The following FARSB variants were observed in gnomAD, a reference collection of about 807,000 sequenced individuals.
The protein encoded by FARSB is phenylalanyl-tRNA synthetase subunit beta, also known as phenylalanine--tRNA ligase beta subunit.
FARSB carries 40 observed loss-of-function variants against 69.6 expected under a neutral mutation model. The observed-to-expected ratio is 0.57, with a 90% CI of 0.45 to 0.75. The LOEUF is 0.75. Among genes scored for constraint, FARSB ranks in the 30% least tolerant of loss-of-function variants. The pLI is 0.00. For synonymous variants in FARSB, 235 were observed against 247.2 expected (o/e 0.95, Z 0.46); for missense variants, 632 against 722.9 (o/e 0.87, Z 1.44).
At chr2:222,596,066 T>C (rs1690406391) in intron 16 of FARSB, among the ~76,000 whole-genome samples, 1 of 152,142 alleles carries the variant, frequency 6.6e-6, no homozygotes, top group Non-Finnish European at 1.5e-5. Context: ...TTGATCTTAT[T>C]CTGTCATCAA....
intron 15 of FARSB, among the ~76,000 whole-genome samples, chr2:222,608,153 C>T (rs1690755123): frequency 6.6e-6 from 1 of 152,134 alleles, no homozygotes; most frequent in African/African-American, 2.4e-5. Flanking sequence ...TCCTTACACC[C>T]ATATTTTTTG....
chr2:222,617,610 G>A (rs1002060098), intron 14 of FARSB, among the ~76,000 whole-genome samples: 2 of 152,212 alleles, frequency 1.3e-5, no homozygotes, highest in African/African-American at 2.4e-5. Flanking sequence ...AAGGCCAAGC[G>A]AGGTGGCTCA....
chr2:222,627,180 T>C (rs1043202299), intron 10 of FARSB, among the ~76,000 whole-genome samples: 1 of 152,230 alleles, frequency 6.6e-6, no homozygotes, highest in African/African-American at 2.4e-5. Context: ...TCTGTATCCA[T>C]GGCCTTGCAA....
rs551820430 is a variant in FARSB at position 222,568,839 on chromosome 2, A to T, written c.*3032T>A. 1 of 152,298 alleles carries T rather than the reference A, an allele frequency of 6.6e-6. No homozygotes were observed. Among genetic ancestry groups the T allele is most frequent in the Non-Finnish European group, 1.5e-5 (1 of 68,128 alleles). The allele number at this position is 152,298 out of a possible 1,614,324, so 9.4% of individuals were successfully genotyped here. The stretch of plus-strand genomic sequence containing the variant: ...TGGGTGACAGAGCGAGACTCCGTCT[A>T]AAAAAACAAAAAACAAACAAAACTA... On this transcript the variant is annotated 3_prime_UTR_variant, in exon 17 of 17. Transcript: ENST00000281828. This position sits in a 1 kb window ranked among gnomAD's most constrained non-coding sequence, Gnocchi z 4.3.
chr2:222,580,945 G>C (rs1005590717), intron 16 of FARSB, among the ~76,000 whole-genome samples: 1 of 152,122 alleles, frequency 6.6e-6, no homozygotes, highest in African/African-American at 2.4e-5. Flanking sequence ...TACAAGACAG[G>C]AAGGGCCAGG....
At position 222,623,725 on chromosome 2, in the gene FARSB, A is replaced by G; in HGVS notation, c.1176T>C (p.Pro392=). Residue 392 remains proline (P), a synonymous_variant, in exon 13 of 17, where the codon CCT becomes CCC. Transcript: ENST00000281828. Reference sequence around the variant, plus strand: ...GGAGAAGTTCAGTGAGCTTATTAAGAGGAAACTGAAAAAAAAAGCATCCAC... The same window carrying G: ...GGAGAAGTTCAGTGAGCTTATTAAGGGGAAACTGAAAAAAAAAGCATCCAC... ...PKTYTIANQF[P]LNKLTELLRH... 6.2e-7 allele frequency: 1 copy of G among 1,600,374 alleles called. No individual in the cohort carries two copies.
In FARSB at chr2:222,569,600, A is replaced by T; in HGVS notation, c.*2271T>A. ...AAGTACACCTACCACCTCAATTAAG[A>T]TAAAATTTCCATCACCCCAAAAAGT... On this transcript the variant is annotated 3_prime_UTR_variant, in exon 17 of 17. Coordinates refer to ENST00000281828, the MANE Select transcript of FARSB (RefSeq NM_005687.5). The T allele has an allele frequency of 6.6e-6, 1 of 152,178 alleles. No individual in the cohort carries two copies. Among genetic ancestry groups the T allele is most frequent in the East Asian group, 1.9e-4 (1 of 5,194 alleles). The allele number at this position is 152,178 out of a possible 1,614,324, so 9.4% of individuals were successfully genotyped here.
intron 3 of FARSB, among the ~76,000 whole-genome samples, chr2:222,642,274 T>C (rs951556432): frequency 2.6e-5 from 4 of 152,232 alleles, no homozygotes; most frequent in African/African-American, 9.6e-5. Flanking sequence ...GTGCTGGGAT[T>C]ATGGGCATGA....
At chr2:222,647,643 TA>T (rs1393627307) in intron 2 of FARSB, among the ~76,000 whole-genome samples, 1 of 152,234 alleles carries the variant, frequency 6.6e-6, no homozygotes, top group Non-Finnish European at 1.5e-5. Context: ...CTCCTTCCTG[TA>T]ATCCCAGCTA....
In FARSB at chr2:222,650,943, T is replaced by G. The variant is rs2106017664; in HGVS notation, c.59-2148A>C. Reference sequence around the variant, plus strand: ...ACGTAGCAACAGACTACTAATACTTTGGAATAATTTGTTACATAGCAATAG... The same window carrying G: ...ACGTAGCAACAGACTACTAATACTTGGGAATAATTTGTTACATAGCAATAG... On this transcript the variant is annotated intron_variant, in intron 1 of 16. Coordinates refer to ENST00000281828, the MANE Select transcript of FARSB (RefSeq NM_005687.5). Among the ~76,000 whole-genome samples, 3 of 152,370 alleles carry G rather than the reference T, an allele frequency of 2.0e-5. No homozygotes were observed. The South Asian group carries it at 6.2e-4, about 32-fold the overall frequency.
chr2:222,633,507 A>T (rs2106229366), intron 6 of FARSB, among the ~76,000 whole-genome samples, 200 bp from the exon 7 acceptor site: 1 of 151,924 alleles, frequency 6.6e-6, no homozygotes, highest in East Asian at 1.9e-4. Context: ...ACATGGAGAA[A>T]CCCCATCTCA....
intron 16 of FARSB, among the ~76,000 whole-genome samples, chr2:222,596,924 A>G (rs1690433274): frequency 6.6e-6 from 1 of 152,186 alleles, no homozygotes. Flanking sequence ...CTTCAACCAT[A>G]AACAAAAAAG....
intron 15 of FARSB, among the ~76,000 whole-genome samples, chr2:222,609,562 G>A (rs536218788): frequency 3.3e-5 from 5 of 152,258 alleles, no homozygotes; most frequent in African/African-American, 9.6e-5. Context: ...TGAGTCCCTT[G>A]AGTCATGACT....
rs909026493 is a variant in FARSB at position 222,633,339 on chromosome 2, T to G, written c.607-32A>C. 15 of 1,085,582 alleles carry G rather than the reference T, an allele frequency of 1.4e-5. No individual in the cohort carries two copies. The African/African-American group carries it at 2.4e-4, about 17-fold the overall frequency. 67.2% of individuals were successfully genotyped at this position (1,085,582 alleles called of 1,614,324 possible). On this transcript the variant is annotated intron_variant, in intron 6 of 16. Transcript: ENST00000281828. ...ACAAATTAAGTCAAATAAAATTAGTTTTTTTTTTTAATTTCTATCACTATA... is the reference window on the plus strand; with the variant it reads ...ACAAATTAAGTCAAATAAAATTAGTGTTTTTTTTTAATTTCTATCACTATA...
chr2:222,640,715 C>T, intron 4 of FARSB, 147 bp downstream of exon 4: 2 of 543,608 alleles, frequency 3.7e-6, no homozygotes, highest in Non-Finnish European at 6.6e-6. Context: ...AAGACTGCAC[C>T]ACTGCATTCC....
At chr2:222,643,177 T>A (rs1198340024) in intron 2 of FARSB, among the ~76,000 whole-genome samples, 172 bp from the exon 3 acceptor site, 1 of 152,232 alleles carries the variant, frequency 6.6e-6, no homozygotes, top group Non-Finnish European at 1.5e-5. Context: ...AGTGTTATAA[T>A]CATAGCAGAC....
intron 5 of FARSB, among the ~76,000 whole-genome samples, chr2:222,637,937 A>G (rs1691627340): frequency 6.6e-6 from 1 of 152,098 alleles, no homozygotes; most frequent in African/African-American, 2.4e-5. Flanking sequence ...TGAGATGATC[A>G]TGCCACTGGA....
intron 16 of FARSB, among the ~76,000 whole-genome samples, chr2:222,599,241 T>G (rs758724120): frequency 5.9e-5 from 9 of 152,182 alleles, no homozygotes; most frequent in African/African-American, 9.6e-5. Flanking sequence ...TCTCTCAAGT[T>G]GTTTCTGGAC....
At chr2:222,627,473 C>T (rs1210998440) in intron 10 of FARSB, among the ~76,000 whole-genome samples, 5 of 152,178 alleles carry the variant, frequency 3.3e-5, no homozygotes, top group Admixed American at 2.6e-4. Context: ...AGTCAACTGA[C>T]TACATATGGG....
Sources: allele counts gnomAD v4.1 joint callset (sites outside exome capture counted in the v4.1 genomes callset), GRCh38; gene constraint gnomAD v4.1.1; non-coding constraint Gnocchi (gnomAD v3.1); transcripts MANE v1.5; gene names NCBI Gene and HGNC (gene_info 2026-07-23, HGNC 2026-07-21).